Variants in RPH3A observed in about 807,000 individuals in gnomAD.
RPH3A encodes the protein rabphilin 3A.
Under a neutral mutation model 102.2 loss-of-function variants are expected in RPH3A, and 48 were observed. That is an observed-to-expected ratio of 0.47 (90% CI 0.37 to 0.60). RPH3A has a LOEUF of 0.60. Among genes scored for constraint, RPH3A ranks in the 20% least tolerant of loss-of-function variants. The probability of loss-of-function intolerance (pLI) is 0.00; values close to 1 mark genes in which losing one functional copy is unlikely to be tolerated. For synonymous variants in RPH3A, 310 were observed against 324.3 expected, an observed-to-expected ratio of 0.96 and a Z score of 0.47; for missense variants, 781 against 910.1, an observed-to-expected ratio of 0.86 and a Z score of 1.83.
chr12:112,776,366 G>A lies in RPH3A; in HGVS notation c.-139-15777G>A, dbSNP rs1300713736. On this transcript the variant is annotated intron_variant, in intron 1 of 21. Transcript: ENST00000543106. ...TTATTGCTCACTAGTCTATAGGTTG[G>A]CTGGGCAGTCATGCTGATCTGGGAG... Among the ~76,000 whole-genome samples the A allele has an allele frequency of 2.0e-5, 3 of 152,132 alleles. No homozygotes were observed. The East Asian group carries it at 5.8e-4, about 29-fold the overall frequency.
chr12:112,733,699 C>G lies in RPH3A; in HGVS notation c.-139-58444C>G, dbSNP rs749184128. ...TCCTTGCAATGGAAGGAAATTCTTT[C>G]TTAAAGGAAGATAGAAGCAGCACTT... On this transcript the variant is annotated intron_variant, in intron 1 of 21. Coordinates refer to the RPH3A transcript ENST00000543106. 2.0e-5 allele frequency among the ~76,000 whole-genome samples: 3 copies of G among 152,132 alleles called. No homozygotes were observed. In the South Asian group the frequency reaches 6.2e-4, roughly 32 times the overall value.
intron 4 of RPH3A, among the ~76,000 whole-genome samples, chr12:112,840,846 TG>T (rs2042129098): frequency 6.6e-6 from 1 of 152,116 alleles, no homozygotes; most frequent in South Asian, 2.1e-4. Context: ...AGCCAGGACA[TG>T]GCACGTTGTT....
chr12:112,628,983 A>G (rs369099709), intron 1 of RPH3A, among the ~76,000 whole-genome samples: 1 of 152,140 alleles, frequency 6.6e-6, no homozygotes, highest in South Asian at 2.1e-4. Context: ...TGCTTGACCC[A>G]GTGGGAGAGA....
In RPH3A at chr12:112,575,830, C is replaced by A. The variant is rs1055549231; in HGVS notation, c.-140+511C>A. ...AGACAGTGTGTCTGATTTTTACCCG[C>A]ATCCTCACTCCCACTCTAGGTCATA... On this transcript the variant is annotated intron_variant, in intron 1 of 21. Coordinates refer to the RPH3A transcript ENST00000543106. Among the ~76,000 whole-genome samples the A allele has an allele frequency of 1.2e-4, 18 of 152,270 alleles. No individual in the cohort carries two copies. The East Asian group carries it at 3.5e-3, about 29-fold the overall frequency.
intron 1 of RPH3A, among the ~76,000 whole-genome samples, chr12:112,670,396 T>A (rs79333954): frequency 6.6e-6 from 1 of 152,154 alleles, no homozygotes; most frequent in Non-Finnish European, 1.5e-5. Flanking sequence ...TTGGCCAGGC[T>A]GGTCTCGAAC....
intron 1 of RPH3A, among the ~76,000 whole-genome samples, chr12:112,711,725 T>C (rs1285757698): frequency 2.0e-5 from 3 of 152,226 alleles, no homozygotes; most frequent in Admixed American, 2.0e-4. Flanking sequence ...GGCTCTGTTA[T>C]CCAGTGCAGG....
Position 112,812,645 on chromosome 12 carries a change from G to A in RPH3A, c.-18-15656G>A, listed in dbSNP as rs561265977. Among the ~76,000 whole-genome samples the A allele has an allele frequency of 3.3e-5, 5 of 152,190 alleles. No homozygotes were observed. In the East Asian group the frequency reaches 9.7e-4, roughly 29 times the overall value. ...TGGTGGATCCCAGCTTGTAGAAAGT[G>A]TGTCAATTTCTGATTCTATCCCCTT... On this transcript the variant is annotated intron_variant, in intron 2 of 21. Coordinates refer to ENST00000389385, the MANE Select transcript of RPH3A (RefSeq NM_001143854.2).
At chr12:112,607,902 C>G (rs1474361403) in intron 1 of RPH3A, among the ~76,000 whole-genome samples, 3 of 152,194 alleles carry the variant, frequency 2.0e-5, no homozygotes, top group Non-Finnish European at 4.4e-5. Context: ...TTTGAAGTCA[C>G]TTTCCCGCTC....
At position 112,716,966 on chromosome 12, in the gene RPH3A, TTAAATGAA is replaced by T. The variant is rs568662888; in HGVS notation, c.-139-75173_-139-75166del. ...GAGCTTTGCCTGGAGTAAGAGTTGA[TTAAATGAA>T]TAATAGCAAACATCAATCGCTGTGG... On this transcript the variant is annotated intron_variant, in intron 1 of 21. Transcript: ENST00000543106. 3.7e-4 allele frequency among the ~76,000 whole-genome samples: 57 copies of T among 152,302 alleles called. 2 individuals are homozygous for T. The East Asian group carries it at 9.8e-3, about 26-fold the overall frequency.
At chr12:112,606,640 C>T (rs2039599288) in intron 1 of RPH3A, among the ~76,000 whole-genome samples, 1 of 152,136 alleles carries the variant, frequency 6.6e-6, no homozygotes, top group African/African-American at 2.4e-5. Flanking sequence ...GCTTAATTGG[C>T]TAGAATTCTG....
chr12:112,854,254 C>T (rs1324915440), intron 5 of RPH3A, among the ~76,000 whole-genome samples: 1 of 152,228 alleles, frequency 6.6e-6, no homozygotes, highest in Non-Finnish European at 1.5e-5. Context: ...GCAAAGTCAC[C>T]TCCTGTTGAG....
chr12:112,772,696 C>T (rs1010339012), intron 1 of RPH3A, among the ~76,000 whole-genome samples: 1 of 151,600 alleles, frequency 6.6e-6, no homozygotes, highest in African/African-American at 2.4e-5. Flanking sequence ...GCATCATTCT[C>T]TTAGGCTTGC....
At chr12:112,664,815 A>C (rs886924504) in intron 1 of RPH3A, among the ~76,000 whole-genome samples, 8 of 152,114 alleles carry the variant, frequency 5.3e-5, no homozygotes, top group African/African-American at 1.4e-4. Context: ...TTCTATGGAC[A>C]GCGCACCCAC....
chr12:112,638,713 A>G (rs1343422276), intron 1 of RPH3A, among the ~76,000 whole-genome samples: 1 of 152,122 alleles, frequency 6.6e-6, no homozygotes, highest in Non-Finnish European at 1.5e-5. Context: ...TATTTTTTAT[A>G]CCATCTCTCA....
intron 1 of RPH3A, among the ~76,000 whole-genome samples, chr12:112,704,049 T>G (rs576666460): frequency 6.6e-6 from 1 of 152,088 alleles, no homozygotes; most frequent in South Asian, 2.1e-4. Flanking sequence ...GAGACACCCC[T>G]CTTTTCACTC....
intron 2 of RPH3A, among the ~76,000 whole-genome samples, chr12:112,825,520 A>T (rs913827012): frequency 6.6e-6 from 1 of 151,452 alleles, no homozygotes; most frequent in Non-Finnish European, 1.5e-5. Context: ...TGCAATCTCC[A>T]CGTGGTCTCT....
chr12:112,596,695 G>A (rs1425825152), intron 1 of RPH3A, among the ~76,000 whole-genome samples: 2 of 152,040 alleles, frequency 1.3e-5, no homozygotes. Context: ...CTTGATTTTT[G>A]TTAGGTTGTT....
chr12:112,770,460 C>T (rs1014582950), intron 1 of RPH3A, among the ~76,000 whole-genome samples: 1 of 152,138 alleles, frequency 6.6e-6, no homozygotes, highest in African/African-American at 2.4e-5. Context: ...ATCTTCCCAT[C>T]TCAGCCTCCT....
chr12:112,805,394 A>G (rs2041440020), intron 2 of RPH3A, among the ~76,000 whole-genome samples: 1 of 152,174 alleles, frequency 6.6e-6, no homozygotes, highest in Non-Finnish European at 1.5e-5. Flanking sequence ...TCGCACCAGG[A>G]ATCTGCAGTG....
Sources: allele counts gnomAD v4.1 joint callset (sites outside exome capture counted in the v4.1 genomes callset), GRCh38; gene constraint gnomAD v4.1.1; transcripts MANE v1.5; gene names NCBI Gene and HGNC (gene_info 2026-07-23, HGNC 2026-07-21).